Variants in PRELID2 observed in about 807,000 individuals in gnomAD.
PRELID2 encodes PRELI domain-containing protein 2.
A neutral mutation model predicts 28.4 loss-of-function variants in PRELID2; 25 were observed. The observed-to-expected ratio is 0.88, with a 90% confidence interval of 0.64 to 1.23. The LOEUF is 1.23. Among genes scored for constraint, PRELID2 ranks in the 50% most tolerant of loss-of-function variants. PRELID2 has a pLI of 0.00. For synonymous variants in PRELID2, 76 were observed against 71.6 expected, an observed-to-expected ratio of 1.06 and a Z score of -0.31; for missense variants, 201 against 214.4, an observed-to-expected ratio of 0.94 and a Z score of 0.39.
chr5:145,448,491 T>A, the PRELID2 span, among the ~76,000 whole-genome samples: 125 of 152,180 alleles, frequency 8.2e-4, 1 homozygote, highest in African/African-American at 3.0e-3. Context: ...ATCCCATTTG[T>A]CAATTTTGTC....
At chr5:145,596,102 A>AAAAAAAAAAAAAAAAAAAAG (rs1753302540) in intron 1 of PRELID2, among the ~76,000 whole-genome samples, 1 of 149,870 alleles carries the variant, frequency 6.7e-6, no homozygotes, top group Non-Finnish European at 1.5e-5. Context: ...CCTGTCTCAA[A>AAAAAAAAAAAAAAAAAAAAG]AAAAAAAAAA....
chr5:145,651,077 A>T (rs1163573018), intron 1 of PRELID2, among the ~76,000 whole-genome samples: 1 of 152,146 alleles, frequency 6.6e-6, no homozygotes, highest in Non-Finnish European at 1.5e-5. Flanking sequence ...TGCTTTTCCA[A>T]TGGTATTAGC....
At chr5:145,746,514 A>G (rs1408359081) in intron 1 of PRELID2, among the ~76,000 whole-genome samples, 2 of 152,208 alleles carry the variant, frequency 1.3e-5, no homozygotes, top group African/African-American at 4.8e-5. Context: ...CCAATACAGG[A>G]GCACCCAGAT....
At chr5:145,438,958 TC>T in the PRELID2 span, among the ~76,000 whole-genome samples, 4 of 152,270 alleles carry the variant, frequency 2.6e-5, no homozygotes, top group Admixed American at 1.3e-4. Flanking sequence ...GCTGCCTTTT[TC>T]TCTGATGCAG....
chr5:145,717,047 C>T (rs978933672), intron 1 of PRELID2, among the ~76,000 whole-genome samples: 8 of 151,720 alleles, frequency 5.3e-5, no homozygotes, highest in Non-Finnish European at 7.4e-5. Context: ...AAAATAAGTA[C>T]GTGAAACTAT....
rs1384591542 is a variant in PRELID2 at position 145,810,708 on chromosome 5, T to A, written c.368+7186A>T. Among the ~76,000 whole-genome samples the A allele has an allele frequency of 2.0e-5, 3 of 152,200 alleles. No individual in the cohort carries two copies. In the East Asian group the frequency reaches 5.8e-4, roughly 29 times the overall value. ...CTGTAAAAGTAATAATACAAAACAC[T>A]AATATCTGCTGACCACTATGGGCTG... On this transcript the variant is annotated intron_variant, in intron 4 of 6. Coordinates refer to ENST00000683046, the MANE Select transcript of PRELID2 (RefSeq NM_205846.3).
the PRELID2 span, among the ~76,000 whole-genome samples, chr5:145,421,923 G>A: frequency 6.6e-5 from 10 of 151,728 alleles, no homozygotes; most frequent in African/African-American, 2.2e-4. Flanking sequence ...AGAGATTCTG[G>A]TATGTTGTGT....
chr5:145,239,077 G>T, the PRELID2 span, among the ~76,000 whole-genome samples: 2 of 151,960 alleles, frequency 1.3e-5, no homozygotes. Context: ...GGGACTATGT[G>T]CACTGTCTCA....
chr5:145,391,204 G>A, the PRELID2 span, among the ~76,000 whole-genome samples: 1 of 152,186 alleles, frequency 6.6e-6, no homozygotes, highest in African/African-American at 2.4e-5. Flanking sequence ...CTCCATCATG[G>A]CTCCACCCCT....
At chr5:145,454,505 T>A in the PRELID2 span, among the ~76,000 whole-genome samples, 7 of 152,192 alleles carry the variant, frequency 4.6e-5, no homozygotes, top group African/African-American at 1.7e-4. Flanking sequence ...TGTTTGCAGA[T>A]GACATGATTG....
intron 1 of PRELID2, among the ~76,000 whole-genome samples, chr5:145,621,225 C>T (rs771981804): frequency 4.1e-4 from 62 of 152,252 alleles, no homozygotes; most frequent in South Asian, 3.5e-3. Context: ...GAATCAAACC[C>T]ATCACACTGA....
At chr5:145,818,952 G>A (rs969112888) in intron 3 of PRELID2, among the ~76,000 whole-genome samples, 8 of 152,134 alleles carry the variant, frequency 5.3e-5, no homozygotes, top group African/African-American at 1.9e-4. Context: ...GGAGGTAACT[G>A]AATCACGGGG....
chr5:145,815,450 A>G (rs1357787783), intron 4 of PRELID2, among the ~76,000 whole-genome samples: 2 of 152,226 alleles, frequency 1.3e-5, no homozygotes, highest in Non-Finnish European at 2.9e-5. Context: ...CTTTTAAGGT[A>G]CACAATTCAG....
At chr5:145,365,873 C>T in the PRELID2 span, among the ~76,000 whole-genome samples, 53 of 151,736 alleles carry the variant, frequency 3.5e-4, no homozygotes, top group African/African-American at 1.2e-3. Context: ...TCCCTAGTCT[C>T]CAGAATAAAT....
At chr5:145,755,310 A>G (rs1757227917), downstream of PRELID2, among the ~76,000 whole-genome samples, 1 of 152,196 alleles carries the variant, frequency 6.6e-6, no homozygotes, top group Non-Finnish European at 1.5e-5. Context: ...AAAGTCAGCC[A>G]AAGCTTTAGC....
chr5:145,538,523 TAGA>T (rs1438513255), intron 1 of PRELID2, among the ~76,000 whole-genome samples: 5 of 151,946 alleles, frequency 3.3e-5, no homozygotes, highest in African/African-American at 1.2e-4. Context: ...TGGCAGATTA[TAGA>T]AGGTTTCCAT....
chr5:145,384,040 C>G, the PRELID2 span, among the ~76,000 whole-genome samples: 3 of 152,156 alleles, frequency 2.0e-5, 1 homozygote, highest in Admixed American at 2.0e-4. Flanking sequence ...ATACTAACGG[C>G]CAGTATGCAC....
chr5:145,668,472 T>C (rs1433712033), intron 1 of PRELID2, among the ~76,000 whole-genome samples: 1 of 152,024 alleles, frequency 6.6e-6, no homozygotes, highest in Non-Finnish European at 1.5e-5. Context: ...TAGCTGTTTA[T>C]TTGCTTCCAA....
chr5:145,467,689 A>G (rs1752014229), downstream of PRELID2, among the ~76,000 whole-genome samples: 1 of 151,704 alleles, frequency 6.6e-6, no homozygotes, highest in African/African-American at 2.4e-5. Context: ...ATTCCTAGCA[A>G]TTCATGGCCT....
Sources: gnomAD v4.1 joint callset for allele counts (sites outside exome capture counted in the v4.1 genomes callset) on GRCh38, gnomAD v4.1.1 for gene constraint, MANE v1.5 for transcripts, NCBI Gene and HGNC (gene_info 2026-07-23, HGNC 2026-07-21) for gene names.